The following TRRAP variants were observed in gnomAD, a reference collection of about 807,000 sequenced individuals.
The protein encoded by TRRAP is transformation/transcription domain-associated protein.
Under a neutral mutation model 438.8 loss-of-function variants are expected in TRRAP, and 41 were observed. The ratio of observed to expected loss-of-function variants is 0.09; its 90% CI spans 0.07 to 0.12. The LOEUF (loss-of-function observed/expected upper bound fraction) is 0.12. Among genes scored for constraint, TRRAP ranks in the 10% least tolerant of loss-of-function variants. The pLI is 1.00. For synonymous variants in TRRAP, 1,994 were observed against 1,962.9 expected, an observed-to-expected ratio of 1.02 and a Z score of -0.42; for missense variants, 3,122 against 5,055.1, an observed-to-expected ratio of 0.62 and a Z score of 11.60.
At chr7:99,007,236 A>C (rs754297277) in intron 69 of TRRAP, among the ~76,000 whole-genome samples, 1 of 152,240 alleles carries the variant, frequency 6.6e-6, no homozygotes, top group Non-Finnish European at 1.5e-5. Context: ...GTGCTGAAAG[A>C]CAAGTTTGCA....
intron 63 of TRRAP, 71 bp downstream of exon 63, chr7:98,989,037 T>G: frequency 6.6e-7 from 1 of 1,510,620 alleles, no homozygotes; most frequent in Non-Finnish European, 9.0e-7. Context: ...AATTTAGCTA[T>G]AGTTTACTCA....
Position 98,935,627 on chromosome 7 carries a change from T to G in TRRAP, c.4063T>G (p.Cys1355Gly). ...AEDSALTKLP[C>G]YKSLPSLVPL... ...AGATTCAGCTTTAACAAAGCTGCCC[T>G]GTTATAAAAGCCTTCCGTCACTCGT... is the stretch of plus-strand genomic sequence containing the variant. The change falls in exon 28 of 73, where the codon TGT (cysteine) becomes GGT (glycine). Residue 1355 changes from cysteine to glycine, a missense_variant. Cys to Gly is a radical substitution (Grantham distance 159). Around this residue, in one of 24 missense-constraint regions of TRRAP, gnomAD observed 84 missense variants for 119.8 expected, o/e 0.70. Coordinates refer to ENST00000456197, the MANE Select transcript of TRRAP (RefSeq NM_001375524.1). 2 of 1,605,914 alleles carry G rather than the reference T, an allele frequency of 1.2e-6. No homozygotes were observed. The highest frequency in any genetic ancestry group is 1.7e-6 in the Non-Finnish European group (2 of 1,173,060).
intron 1 of TRRAP, among the ~76,000 whole-genome samples, chr7:98,880,533 A>T (rs1428507102): frequency 6.6e-6 from 1 of 152,098 alleles, no homozygotes; most frequent in African/African-American, 2.4e-5. Context: ...AAGTGCTGGG[A>T]TTCCAGGCGT....
At chr7:98,931,769 G>C in intron 26 of TRRAP, 104 bp downstream of exon 26, 2 of 1,487,612 alleles carry the variant, frequency 1.3e-6, no homozygotes, top group Non-Finnish European at 1.8e-6. Context: ...TTGTGTCTTG[G>C]TATCTGTGGG....
Position 98,953,305 on chromosome 7 carries a change from C to A in TRRAP, c.5602C>A (p.Leu1868Ile), listed in dbSNP as rs1791432792. Residue 1868 changes from leucine (L) to isoleucine (I), a missense_variant, in exon 40 of 73, where the codon CTC (leucine) becomes ATC (isoleucine). Around this residue, in one of 24 missense-constraint regions of TRRAP, gnomAD observed 3 missense variants for 23.0 expected, o/e 0.13. Coordinates refer to ENST00000456197, the MANE Select transcript of TRRAP (RefSeq NM_001375524.1). ...GAACCGCAACAGCAAGCTGCGCCGC[C>A]TCATGACCTTCGCCTGGCCCTGCCT... ...NKNRNSKLRRLMTFAWPCLLS... is the reference protein window; with the variant it reads ...NKNRNSKLRRIMTFAWPCLLS... The A allele has an allele frequency of 6.2e-7, 1 of 1,613,928 alleles. No homozygotes were observed. The highest frequency in any genetic ancestry group is 1.3e-5 in the African/African-American group (1 of 74,902).
intron 68 of TRRAP, among the ~76,000 whole-genome samples, chr7:99,004,923 T>C (rs1177344048): frequency 1.3e-5 from 2 of 152,198 alleles, no homozygotes; most frequent in African/African-American, 4.8e-5. Context: ...CCCTCCTCCT[T>C]GACTTCCGTC....
At chr7:99,002,554 G>A (rs914542179) in intron 67 of TRRAP, among the ~76,000 whole-genome samples, 1 of 152,226 alleles carries the variant, frequency 6.6e-6, no homozygotes, top group African/African-American at 2.4e-5. Flanking sequence ...GAGGTGGCCT[G>A]CGTCCTTGGT....
In TRRAP at chr7:99,012,880, G is replaced by A. The variant is rs939864231; in HGVS notation, c.*525G>A. Reference sequence around the variant, plus strand: ...AGCACAAAGTTTTAGGCTGTACACAGCCAGCCTTGGGAATCTCGTTGAGCG... The same window carrying A: ...AGCACAAAGTTTTAGGCTGTACACAACCAGCCTTGGGAATCTCGTTGAGCG... On this transcript the variant is annotated 3_prime_UTR_variant, in exon 73 of 73. Coordinates refer to ENST00000456197, the MANE Select transcript of TRRAP (RefSeq NM_001375524.1). This position sits in a 1 kb window ranked among gnomAD's most constrained non-coding sequence, Gnocchi z 5.9. 1 of 153,210 alleles carries A rather than the reference G, an allele frequency of 6.5e-6. No homozygotes were observed. Among genetic ancestry groups the A allele is most frequent in the African/African-American group, 2.4e-5 (1 of 41,468 alleles). The allele number at this position is 153,210 out of a possible 1,614,324, so 9.5% of individuals were successfully genotyped here. A position where few individuals can be genotyped will look rare whatever the true frequency, so the allele number is the denominator to read the frequency against.
chr7:98,894,029 T>A, intron 6 of TRRAP, 148 bp downstream of exon 6: 1 of 699,584 alleles, frequency 1.4e-6, no homozygotes, highest in Non-Finnish European at 2.4e-6. Context: ...TTTATGAGTT[T>A]AACAGTGACT....
At chr7:98,999,661 GA>G in intron 67 of TRRAP, 2 of 926,282 alleles carry the variant, frequency 2.2e-6, no homozygotes, top group Non-Finnish European at 3.5e-6. Flanking sequence ...AAGTGTGAAT[GA>G]AGGTGGGAAG....
rs376693463 is a variant in TRRAP, at chr7:98,944,171, G to A, written c.4473+1154G>A. Among the ~76,000 whole-genome samples, 25 of 152,234 alleles carry A rather than the reference G, an allele frequency of 1.6e-4. No homozygotes were observed. The East Asian group carries it at 4.6e-3, about 28-fold the overall frequency. ...CCTGGGATGAGGTGCAGGTGTCTGT[G>A]TGCTGCTCTCCCTCTCTCATCTGTT... On this transcript the variant is annotated intron_variant, in intron 31 of 72. Transcript: ENST00000456197.
chr7:98,982,032 G>A, intron 59 of TRRAP, 72 bp downstream of exon 59: 1 of 1,402,286 alleles, frequency 7.1e-7, no homozygotes, highest in South Asian at 1.5e-5. Flanking sequence ...CCAGGCTTAG[G>A]TCTGCAGACT....
chr7:98,908,180 T>C lies in TRRAP; in HGVS notation c.1116-548T>C, dbSNP rs1554407838. Among the ~76,000 whole-genome samples, 1 of 152,226 alleles carries C rather than the reference T, an allele frequency of 6.6e-6. No individual in the cohort carries two copies. The highest frequency in any genetic ancestry group is 2.4e-5 in the African/African-American group (1 of 41,450). On this transcript the variant is annotated intron_variant, in intron 13 of 72. Transcript: ENST00000456197. This position sits in a 1 kb window ranked among gnomAD's most constrained non-coding sequence, Gnocchi z 4.1. ...ACATCCCCGCTAGCACTTACTAACT[T>C]GTGTAGCTTATTTCTTTACTTGTGT...
chr7:99,010,627 G>C (rs1794386915), intron 70 of TRRAP, among the ~76,000 whole-genome samples: 1 of 152,216 alleles, frequency 6.6e-6, no homozygotes, highest in Non-Finnish European at 1.5e-5. Context: ...TGTGTGGTTA[G>C]ACCAGCTCCT....
intron 57 of TRRAP, 100 bp from the exon 58 acceptor site, chr7:98,978,669 G>C (rs1792777736): frequency 2.0e-6 from 3 of 1,513,020 alleles, no homozygotes. Flanking sequence ...TTGTTCTTCT[G>C]TAGAATGGAA....
chr7:98,966,823 T>C (rs1008635398), intron 49 of TRRAP, among the ~76,000 whole-genome samples: 4 of 152,276 alleles, frequency 2.6e-5, no homozygotes, highest in Admixed American at 1.3e-4. Context: ...ATTTGTTTTA[T>C]AATTTACAGT....
chr7:98,992,203 G>C lies in TRRAP; in HGVS notation c.9823G>C (p.Glu3275Gln). ...IRTLYLTLKI[E>Q]QRERYKSDSG... ...GACCCTGTACCTGACCCTGAAAATA[G>C]AACAGCGGGAACGCTACAAGAGCGG... The change falls in exon 65 of 73, where the codon GAA becomes CAA. Residue 3275 changes from glutamate (E) to glutamine (Q), a missense_variant. Glu to Gln is a conservative substitution (Grantham distance 29, BLOSUM62 2). Coordinates refer to ENST00000456197, the MANE Select transcript of TRRAP (RefSeq NM_001375524.1). 1 of 1,614,188 alleles carries C rather than the reference G, an allele frequency of 6.2e-7. No homozygotes were observed. The highest frequency in any genetic ancestry group is 8.5e-7 in the Non-Finnish European group (1 of 1,180,038).
intron 65 of TRRAP, 125 bp from the exon 66 acceptor site, chr7:98,993,413 G>A (rs529300322): frequency 1.6e-5 from 16 of 1,016,638 alleles, no homozygotes; most frequent in Admixed American, 7.5e-5. Context: ...TTGGGGAAGC[G>A]GTCTTGTAGG....
At chr7:98,961,881 T>C (rs1584365011) in intron 46 of TRRAP, among the ~76,000 whole-genome samples, 1 of 152,262 alleles carries the variant, frequency 6.6e-6, no homozygotes, top group South Asian at 2.1e-4. Context: ...GATCGTGCCA[T>C]TGCAATCCAG....
Sources: allele counts gnomAD v4.1 joint callset (sites outside exome capture counted in the v4.1 genomes callset), GRCh38; gene constraint gnomAD v4.1.1; regional missense constraint gnomAD v4.1.1; non-coding constraint Gnocchi (gnomAD v3.1); transcripts MANE v1.5; gene names NCBI Gene and HGNC (gene_info 2026-07-23, HGNC 2026-07-21).